The following MEF2C variants were observed in gnomAD, a reference collection of about 807,000 sequenced individuals.
The protein encoded by MEF2C is myocyte enhancer factor 2C, also known as myocyte-specific enhancer factor 2C.
A neutral mutation model predicts 50.5 loss-of-function variants in MEF2C; 6 were observed. That is an observed-to-expected ratio of 0.12 (90% CI 0.07 to 0.23). MEF2C has a LOEUF of 0.23. MEF2C is among the 10% of genes least tolerant of loss of function. The probability of loss-of-function intolerance (pLI) is 1.00; values close to 1 mark genes in which losing one functional copy is unlikely to be tolerated. For missense variants in MEF2C, 276 were observed against 605.0 expected, an observed-to-expected ratio of 0.46 and a Z score of 5.70; for synonymous variants, 183 against 228.0, an observed-to-expected ratio of 0.80 and a Z score of 1.78.
Position 88,728,506 on chromosome 5 carries a change from G to A in MEF2C, c.1087C>T (p.Leu363Phe), listed in dbSNP as rs2152207244. The part of the protein sequence containing the change: ...QHLHNMPPSA[L>F]SQLGACTSTH... ...AATATTGCTTACCCCAACTGACTGA[G>A]GGCAGATGGTGGCATGTTATGTAGG... The change falls in exon 10 of 11, where the codon CTC (leucine) becomes TTC (phenylalanine). Residue 363 changes from leucine to phenylalanine, a missense_variant. Leu to Phe is a conservative substitution (Grantham distance 22). Transcript: ENST00000504921. 3 of 1,516,138 alleles carry A rather than the reference G, an allele frequency of 2.0e-6. No homozygotes were observed. Among genetic ancestry groups the A allele is most frequent in the Non-Finnish European group, 1.8e-6 (2 of 1,128,156 alleles). The allele number at this position is 1,516,138 out of a possible 1,614,324, so 93.9% of individuals were successfully genotyped here. A position where few individuals can be genotyped will look rare whatever the true frequency, so the allele number is the denominator to read the frequency against.
chr5:88,841,374 G>T (rs775791123), intron 1 of MEF2C, among the ~76,000 whole-genome samples: 1 of 152,012 alleles, frequency 6.6e-6, no homozygotes, highest in Non-Finnish European at 1.5e-5. Context: ...GGGTGTGGTG[G>T]CGCATGCCTG....
intron 3 of MEF2C, among the ~76,000 whole-genome samples, chr5:88,776,806 A>T (rs891798090): frequency 6.6e-6 from 1 of 152,166 alleles, no homozygotes; most frequent in African/African-American, 2.4e-5. Flanking sequence ...TTATGATCTA[A>T]CATAAAGCTT....
intron 6 of MEF2C, chr5:88,739,762 A>G: frequency 1.0e-6 from 1 of 984,910 alleles, no homozygotes. Flanking sequence ...AAGATATTTT[A>G]CATTGAATAG....
intron 10 of MEF2C, among the ~76,000 whole-genome samples, chr5:88,723,878 CT>C (rs1399334306): frequency 1.3e-5 from 2 of 152,102 alleles, no homozygotes; most frequent in East Asian, 3.8e-4. Context: ...ATAATTTTTC[CT>C]TTTTCCAAAA....
At chr5:88,882,323 G>A (rs1833144870) in intron 1 of MEF2C, among the ~76,000 whole-genome samples, 1 of 152,112 alleles carries the variant, frequency 6.6e-6, no homozygotes, top group African/African-American at 2.4e-5. Flanking sequence ...TGCTGAAATC[G>A]AACGTGAATT....
intron 3 of MEF2C, chr5:88,766,688 ACTC>A: frequency 1.0e-6 from 1 of 985,060 alleles, no homozygotes; most frequent in Non-Finnish European, 1.2e-6. Flanking sequence ...CCCCCAAATT[ACTC>A]CTATTAACCT....
intron 6 of MEF2C, chr5:88,737,598 C>G: frequency 2.0e-6 from 2 of 985,280 alleles, no homozygotes; most frequent in South Asian, 9.4e-5. Context: ...GCATGGTATC[C>G]TAGGGAAAAG....
intron 2 of MEF2C, among the ~76,000 whole-genome samples, chr5:88,813,253 T>C (rs923192216): frequency 6.6e-6 from 1 of 152,034 alleles, no homozygotes; most frequent in Admixed American, 6.6e-5. Context: ...AGAATTTTGG[T>C]TGGTAGTAAA....
At chr5:88,772,547 G>T (rs1484266199) in intron 3 of MEF2C, among the ~76,000 whole-genome samples, 2 of 152,128 alleles carry the variant, frequency 1.3e-5, no homozygotes, top group Non-Finnish European at 2.9e-5. Context: ...TTTTCAATTT[G>T]GGACAGCACC....
In MEF2C at chr5:88,761,268, C is replaced by G; in HGVS notation, c.319G>C (p.Val107Leu). 1 of 1,613,898 alleles carries G rather than the reference C, an allele frequency of 6.2e-7. No homozygotes were observed. The highest frequency in any genetic ancestry group is 2.2e-5 in the East Asian group (1 of 44,900). Residue 107 changes from valine to leucine, a missense_variant, in exon 4 of 11, where the codon GTA becomes CTA. Val to Leu is a conservative substitution (Grantham distance 32). Transcript: ENST00000504921. ...DSPDPDADDS[V>L]GHSPESEDKY... ...TCCTCAGACTCAGGGCTGTGACCTA[C>G]GGAATCGTCCGCATCGGGGTCTGGG...
intron 3 of MEF2C, among the ~76,000 whole-genome samples, chr5:88,797,677 T>A (rs1580865746): frequency 6.6e-6 from 1 of 152,106 alleles, no homozygotes. Flanking sequence ...GTGAAGTTGA[T>A]CCTGTCATTA....
intron 1 of MEF2C, among the ~76,000 whole-genome samples, chr5:88,893,281 A>T (rs1012662207): frequency 6.6e-6 from 1 of 151,730 alleles, no homozygotes; most frequent in Non-Finnish European, 1.5e-5. Flanking sequence ...AATGTACATT[A>T]TTCTATCTTT....
chr5:88,760,872 T>C (rs1777540510), intron 4 of MEF2C: 1 of 1,133,516 alleles, frequency 8.8e-7, no homozygotes, highest in South Asian at 1.7e-5. Flanking sequence ...TGGGATGAGA[T>C]GGCTATTTAT....
At position 88,823,722 on chromosome 5, in the gene MEF2C, T is replaced by A. The variant is rs374788140; in HGVS notation, c.54+13A>T. Reference sequence around the variant, plus strand: ...TAATAAATAATGATACAAAAAAAGTTTACTCCACTCACCTGTCTGTTACGT... The same window carrying A: ...TAATAAATAATGATACAAAAAAAGTATACTCCACTCACCTGTCTGTTACGT... On this transcript the variant is annotated intron_variant, in intron 2 of 10. Coordinates refer to ENST00000504921, the MANE Select transcript of MEF2C (RefSeq NM_002397.5). 1.1e-4 allele frequency: 170 copies of A among 1,595,424 alleles called. No homozygotes were observed. The Middle Eastern group carries it at 1.5e-3, about 14-fold the overall frequency.
chr5:88,790,046 C>A (rs952540146), intron 3 of MEF2C, among the ~76,000 whole-genome samples: 1 of 152,234 alleles, frequency 6.6e-6, no homozygotes, highest in Non-Finnish European at 1.5e-5. Context: ...GACTCAGCAT[C>A]TTCCTTAACT....
At chr5:88,744,601 G>A (rs565662383) in intron 6 of MEF2C, among the ~76,000 whole-genome samples, 189 of 152,294 alleles carry the variant, frequency 1.2e-3, no homozygotes, top group African/African-American at 4.4e-3. Context: ...TTTAAAAGCA[G>A]TGACTTTTCA....
intron 3 of MEF2C, among the ~76,000 whole-genome samples, chr5:88,765,698 A>G (rs889906418): frequency 2.6e-5 from 4 of 152,202 alleles, no homozygotes; most frequent in East Asian, 1.9e-4. Flanking sequence ...TTCAATTGTC[A>G]TTCTTTTACA....
intron 2 of MEF2C, among the ~76,000 whole-genome samples, chr5:88,813,463 C>G (rs1011668198): frequency 2.6e-5 from 4 of 152,024 alleles, no homozygotes; most frequent in Admixed American, 2.6e-4. Flanking sequence ...CCTCACCCTC[C>G]CAGGCCCAGC....
chr5:88,749,879 A>T (rs2152504725), intron 5 of MEF2C, among the ~76,000 whole-genome samples: 1 of 151,970 alleles, frequency 6.6e-6, no homozygotes, highest in East Asian at 2.0e-4. Flanking sequence ...AAATACAAAA[A>T]ATTAGCCGGG....
Sources: gnomAD v4.1 joint callset for allele counts (sites outside exome capture counted in the v4.1 genomes callset) on GRCh38, gnomAD v4.1.1 for gene constraint, MANE v1.5 for transcripts, NCBI Gene and HGNC (gene_info 2026-07-23, HGNC 2026-07-21) for gene names.